HPSE2: variants seen among roughly 807,000 people sequenced by gnomAD.
HPSE2 encodes the protein heparanase 2 (inactive), also known as inactive heparanase-2.
In HPSE2, 38 loss-of-function variants were observed where a neutral mutation model predicts 60.5. The ratio of observed to expected loss-of-function variants is 0.63; its 90% confidence interval spans 0.48 to 0.82. The LOEUF is 0.82. Among genes scored for constraint, HPSE2 ranks in the 40% least tolerant of loss-of-function variants. The pLI, the probability that HPSE2 is intolerant of heterozygous loss-of-function variation, is 0.00. For synonymous variants in HPSE2, 295 were observed against 293.2 expected, an observed-to-expected ratio of 1.01 and a Z score of -0.06; for missense variants, 713 against 740.4, an observed-to-expected ratio of 0.96 and a Z score of 0.43.
chr10:99,192,248 G>C (rs7909275), intron 2 of HPSE2, among the ~76,000 whole-genome samples: 7,376 of 152,084 alleles, frequency 0.048, 371 homozygotes, highest in East Asian at 0.16. Context: ...AGTACAAGAA[G>C]GTTATAGAAC....
At chr10:98,807,561 C>G (rs989638369) in intron 3 of HPSE2, among the ~76,000 whole-genome samples, 1 of 152,180 alleles carries the variant, frequency 6.6e-6, no homozygotes, top group African/African-American at 2.4e-5. Context: ...CTCACTTGCT[C>G]CCACCATTCA....
chr10:98,629,964 T>G (rs1055889450), intron 7 of HPSE2, among the ~76,000 whole-genome samples: 4 of 152,234 alleles, frequency 2.6e-5, no homozygotes, highest in African/African-American at 9.6e-5. Context: ...CCATAGTCTA[T>G]TTTATCTATT....
At chr10:98,802,611 A>G (rs960519166) in intron 3 of HPSE2, among the ~76,000 whole-genome samples, 7 of 151,264 alleles carry the variant, frequency 4.6e-5, no homozygotes, top group Admixed American at 2.0e-4. Context: ...GAGAATGATG[A>G]TTTCCAATTT....
chr10:98,625,616 T>A (rs759453640), intron 7 of HPSE2, among the ~76,000 whole-genome samples: 32 of 152,150 alleles, frequency 2.1e-4, no homozygotes, highest in Admixed American at 4.6e-4. Context: ...CATCAATAGG[T>A]CCTTGGAAAC....
At chr10:99,088,459 G>T (rs902528527) in intron 3 of HPSE2, among the ~76,000 whole-genome samples, 1 of 152,060 alleles carries the variant, frequency 6.6e-6, no homozygotes, top group African/African-American at 2.4e-5. Flanking sequence ...ATAACGTTTG[G>T]TTTTCCATTC....
intron 3 of HPSE2, among the ~76,000 whole-genome samples, chr10:98,832,076 G>T (rs1227446154): frequency 6.6e-6 from 1 of 152,110 alleles, no homozygotes; most frequent in Admixed American, 6.5e-5. Flanking sequence ...AAATCCAGCT[G>T]GCACAATACT....
At chr10:98,952,791 C>G (rs1277926148) in intron 3 of HPSE2, among the ~76,000 whole-genome samples, 1 of 152,122 alleles carries the variant, frequency 6.6e-6, no homozygotes. Flanking sequence ...ATGGCCTTCC[C>G]TTGGTGCATG....
chr10:99,105,182 A>G (rs1437286470), intron 3 of HPSE2, among the ~76,000 whole-genome samples: 2 of 152,014 alleles, frequency 1.3e-5, no homozygotes, highest in Non-Finnish European at 2.9e-5. Context: ...ATGTCTAACT[A>G]AACCCTATTT....
At chr10:98,772,866 T>C (rs1005346357) in intron 3 of HPSE2, among the ~76,000 whole-genome samples, 3 of 152,182 alleles carry the variant, frequency 2.0e-5, no homozygotes, top group African/African-American at 7.2e-5. Context: ...TGCTAGGAGG[T>C]TGAAATTCTA....
chr10:99,295,071 G>C, the HPSE2 span, among the ~76,000 whole-genome samples: 1 of 152,206 alleles, frequency 6.6e-6, no homozygotes, highest in Non-Finnish European at 1.5e-5. Context: ...TGTTAGATGA[G>C]AAATGAATTT....
intron 8 of HPSE2, among the ~76,000 whole-genome samples, chr10:98,617,076 T>A (rs1945931874): frequency 6.6e-6 from 1 of 152,156 alleles, no homozygotes; most frequent in African/African-American, 2.4e-5. Context: ...CAACTTTCCA[T>A]CCCTATGCTT....
At chr10:99,107,970 TA>T (rs2135670087) in intron 3 of HPSE2, among the ~76,000 whole-genome samples, 1 of 152,328 alleles carries the variant, frequency 6.6e-6, no homozygotes, top group East Asian at 1.9e-4. Context: ...GGAGACCTTT[TA>T]ACAGCTTAAA....
chr10:99,036,198 G>C (rs193252957), intron 3 of HPSE2, among the ~76,000 whole-genome samples: 7 of 152,176 alleles, frequency 4.6e-5, no homozygotes, highest in African/African-American at 1.4e-4. Context: ...CTGGGTGACA[G>C]GGCAAGACCC....
Position 99,235,614 on chromosome 10 carries a change from A to C in HPSE2, c.189T>G (p.Leu63=). The C allele has an allele frequency of 6.2e-7, 1 of 1,614,066 alleles. No individual in the cohort carries two copies. The highest frequency in any genetic ancestry group is 8.5e-7 in the Non-Finnish European group (1 of 1,180,020). The change falls in exon 1 of 12, where the codon CTT becomes CTG. Residue 63 remains leucine (L), a synonymous_variant. Transcript: ENST00000370552. The stretch of plus-strand genomic sequence containing the variant: ...TGACTGGGTTCTTGGTGCTCACATC[A>C]AGTAGAATCAGGGTCTTTTCCTTCA... ...AGLKEKTLIL[L]DVSTKNPVRT... is the part of the protein sequence containing the mutation.
At chr10:98,534,344 G>C (rs1412615267) in intron 9 of HPSE2, among the ~76,000 whole-genome samples, 2 of 152,136 alleles carry the variant, frequency 1.3e-5, no homozygotes. Flanking sequence ...GTCATAACCT[G>C]AGATTTTTTT....
intron 5 of HPSE2, among the ~76,000 whole-genome samples, chr10:98,699,682 G>C (rs1360275780): frequency 3.4e-4 from 43 of 128,342 alleles, no homozygotes; most frequent in African/African-American, 1.1e-3. Flanking sequence ...TATTCAATTA[G>C]GAAAAGGGGA....
At chr10:98,662,887 G>A (rs1205023980) in intron 6 of HPSE2, among the ~76,000 whole-genome samples, 1 of 152,122 alleles carries the variant, frequency 6.6e-6, no homozygotes, top group Non-Finnish European at 1.5e-5. Flanking sequence ...AACAAACAGA[G>A]ATCTATTTAG....
chr10:99,192,250 T>C (rs917429552), intron 2 of HPSE2, among the ~76,000 whole-genome samples: 1 of 152,046 alleles, frequency 6.6e-6, no homozygotes, highest in Non-Finnish European at 1.5e-5. Context: ...TACAAGAAGG[T>C]TATAGAACAC....
chr10:98,798,184 C>T (rs374757154), intron 3 of HPSE2, among the ~76,000 whole-genome samples: 1 of 151,004 alleles, frequency 6.6e-6, no homozygotes, highest in Non-Finnish European at 1.5e-5. Flanking sequence ...ATTAAAAATG[C>T]TAAATAAAAA....
Sources: allele counts gnomAD v4.1 joint callset (sites outside exome capture counted in the v4.1 genomes callset), GRCh38; gene constraint gnomAD v4.1.1; transcripts MANE v1.5; gene names NCBI Gene and HGNC (gene_info 2026-07-23, HGNC 2026-07-21).